The following RERE variants were observed in gnomAD, a reference collection of about 807,000 sequenced individuals.
RERE encodes the protein arginine-glutamic acid dipeptide repeats protein.
A neutral mutation model predicts 146.1 loss-of-function variants in RERE; 40 were observed. That is an observed-to-expected ratio of 0.27 (90% CI 0.21 to 0.36). RERE has a LOEUF of 0.36. Among genes scored for constraint, RERE ranks in the 10% least tolerant of loss-of-function variants. The pLI, the probability that RERE is intolerant of heterozygous loss-of-function variation, is 1.00. For missense variants in RERE, 1,933 were observed against 2,138.7 expected, an observed-to-expected ratio of 0.90 and a Z score of 1.90; for synonymous variants, 1,003 against 866.0, an observed-to-expected ratio of 1.16 and a Z score of -2.78.
chr1:8,811,849 T>C (rs1303098946), intron 1 of RERE, among the ~76,000 whole-genome samples: 1 of 152,206 alleles, frequency 6.6e-6, no homozygotes, highest in Non-Finnish European at 1.5e-5. Context: ...GGGTGGTATA[T>C]TTATTGCAAC....
chr1:8,703,427 A>G (rs1480444753), intron 1 of RERE, among the ~76,000 whole-genome samples: 1 of 151,562 alleles, frequency 6.6e-6, no homozygotes, highest in Non-Finnish European at 1.5e-5. Flanking sequence ...GGAGAGAAAG[A>G]GCAGACTCCC....
chr1:8,422,861 C>A, intron 11 of RERE, 54 bp from the exon 12 acceptor site: 1 of 1,302,872 alleles, frequency 7.7e-7, no homozygotes, highest in Non-Finnish European at 1.1e-6. Flanking sequence ...AACAGGATGT[C>A]AGCAAAGCAA....
chr1:8,794,215 T>A (rs1641421683), intron 1 of RERE, among the ~76,000 whole-genome samples: 2 of 150,268 alleles, frequency 1.3e-5, no homozygotes, highest in East Asian at 2.0e-4. Flanking sequence ...GGCTAACACA[T>A]GGTGAAACTC....
intron 4 of RERE, among the ~76,000 whole-genome samples, chr1:8,574,340 C>CTTTTTTTTT (rs35921166): frequency 2.3e-5 from 2 of 87,230 alleles, no homozygotes; most frequent in Non-Finnish European, 4.2e-5. Flanking sequence ...TATATATAGT[C>CTTTTTTTTT]TTTTTTTTTT....
At chr1:8,450,954 G>A (rs888184499) in intron 11 of RERE, among the ~76,000 whole-genome samples, 4 of 152,028 alleles carry the variant, frequency 2.6e-5, no homozygotes, top group East Asian at 1.9e-4. Context: ...GCCATCTACC[G>A]GTAGCCATAC....
chr1:8,809,966 T>C (rs1051281954), intron 1 of RERE, among the ~76,000 whole-genome samples: 4 of 152,198 alleles, frequency 2.6e-5, no homozygotes, highest in African/African-American at 4.8e-5. Context: ...AGGCACTGTG[T>C]CCTGAGCACA....
intron 2 of RERE, among the ~76,000 whole-genome samples, chr1:8,641,331 A>C (rs2124284486): frequency 6.6e-6 from 1 of 152,352 alleles, no homozygotes; most frequent in Middle Eastern, 3.4e-3. Context: ...TTTCTTAGCT[A>C]CTACAAAGTA....
chr1:8,724,596 C>G (rs1371830092), intron 1 of RERE, among the ~76,000 whole-genome samples: 1 of 152,088 alleles, frequency 6.6e-6, no homozygotes, highest in Non-Finnish European at 1.5e-5. Context: ...CTTGTAATCC[C>G]AGCACTTCGG....
chr1:8,508,494 A>G, intron 8 of RERE, 133 bp downstream of exon 8: 1 of 686,930 alleles, frequency 1.5e-6, no homozygotes, highest in Non-Finnish European at 2.5e-6. Flanking sequence ...GAGGGTGGAA[A>G]AAAAACCTCT....
chr1:8,355,990 C>A, intron 21 of RERE, 110 bp downstream of exon 21: 1 of 1,247,030 alleles, frequency 8.0e-7, no homozygotes, highest in Non-Finnish European at 1.1e-6. Flanking sequence ...GGAGCGAACC[C>A]ACCTGCTCAA....
In RERE at chr1:8,364,661, G is replaced by A. The variant is rs1219719442; in HGVS notation, c.1540+85C>T. On this transcript the variant is annotated intron_variant, in intron 14 of 22. Transcript: ENST00000400908. This position sits in a 1 kb window ranked among gnomAD's most constrained non-coding sequence, Gnocchi z 5.1. The stretch of plus-strand genomic sequence containing the variant: ...TCAAATCAAGTACTGTCCCTGGCAG[G>A]TTTCCAGCTGGATGCATGAAATGTT... The A allele has an allele frequency of 6.2e-6, 6 of 961,470 alleles. No individual in the cohort carries two copies. The South Asian group carries it at 7.9e-5, about 13-fold the overall frequency. 59.6% of individuals were successfully genotyped at this position (961,470 alleles called of 1,614,324 possible).
At chr1:8,382,741 G>A (rs189965400) in intron 12 of RERE, among the ~76,000 whole-genome samples, 255 of 152,134 alleles carry the variant, frequency 1.7e-3, no homozygotes, top group Non-Finnish European at 3.2e-3. Flanking sequence ...ACCTCTCTTG[G>A]CCTCTGTTTC....
intron 11 of RERE, among the ~76,000 whole-genome samples, chr1:8,454,320 A>T (rs914122822): frequency 7.9e-5 from 12 of 152,216 alleles, no homozygotes; most frequent in African/African-American, 2.9e-4. Flanking sequence ...CAAATTTCTT[A>T]AACAGGAATG....
chr1:8,486,621 C>G (rs1644902356), intron 10 of RERE, among the ~76,000 whole-genome samples: 1 of 151,160 alleles, frequency 6.6e-6, no homozygotes, highest in South Asian at 2.1e-4. Flanking sequence ...TAATAACGAA[C>G]AGAAACCAAT....
chr1:8,794,343 G>C lies in RERE; in HGVS notation c.-145+22817C>G, dbSNP rs940373866. On this transcript the variant is annotated intron_variant, in intron 1 of 22. Coordinates refer to ENST00000400908, the MANE Select transcript of RERE (RefSeq NM_001042681.2). ...ACTGCACTCCAGCCTGGGCAACAGAGCGAGACTCCGTCTCAAAAAAAAAAA... is the reference window on the plus strand; with the variant it reads ...ACTGCACTCCAGCCTGGGCAACAGACCGAGACTCCGTCTCAAAAAAAAAAA... Among the ~76,000 whole-genome samples, 43 of 128,508 alleles carry C rather than the reference G, an allele frequency of 3.3e-4. 1 individual carries two copies. In the Admixed American group the frequency reaches 3.9e-3, roughly 12 times the overall value. 84.3% of individuals were successfully genotyped at this position (128,508 alleles called of 152,430 possible).
chr1:8,590,524 G>A lies in RERE; in HGVS notation c.522+24037C>T, dbSNP rs115641556. 4.1e-3 allele frequency among the ~76,000 whole-genome samples: 623 copies of A among 152,264 alleles called. 5 individuals are homozygous for A. The highest frequency in any genetic ancestry group is 0.014 in the African/African-American group (597 of 41,542). ...GAGACTTCAGCTGAAGGCCAGAGAT[G>A]CCCTGGGAACAAATGGAAATGCAGT... On this transcript the variant is annotated intron_variant, in intron 4 of 22. Transcript: ENST00000400908.
chr1:8,533,184 CA>C (rs111327933), intron 7 of RERE, among the ~76,000 whole-genome samples: 30,023 of 152,200 alleles, frequency 0.2, 3,043 homozygotes, highest in Middle Eastern at 0.3. Flanking sequence ...ACTACATTGC[CA>C]ACCTTGAAAC....
chr1:8,559,280 C>CAAAAAAAAAAAAAAAAAAAAAAAAA lies in RERE; in HGVS notation c.523-1758_523-1757insTTTTTTTTTTTTTTTTTTTTTTTTT, dbSNP rs548075266. 1.6e-3 allele frequency among the ~76,000 whole-genome samples: 19 copies of CAAAAAAAAAAAAAAAAAAAAAAAAA among 12,074 alleles called. 1 individual carries two copies. The highest frequency in any genetic ancestry group is 2.4e-3 in the Non-Finnish European group (15 of 6,218). 7.9% of individuals were successfully genotyped at this position (12,074 alleles called of 152,430 possible). ...GGGCAACAAGAGCAAAACTCCAGCT[C>CAAAAAAAAAAAAAAAAAAAAAAAAA]AAAAAAAAAAAAAAAAAAAAAAAAC... On this transcript the variant is annotated intron_variant, in intron 4 of 22. Coordinates refer to ENST00000400908, the MANE Select transcript of RERE (RefSeq NM_001042681.2).
chr1:8,440,392 C>A (rs1644230025), intron 11 of RERE, among the ~76,000 whole-genome samples: 1 of 146,728 alleles, frequency 6.8e-6, no homozygotes, highest in South Asian at 2.2e-4. Context: ...GAGATCGAGA[C>A]CATCCTGGCC....
Sources: allele counts gnomAD v4.1 joint callset (sites outside exome capture counted in the v4.1 genomes callset), GRCh38; gene constraint gnomAD v4.1.1; non-coding constraint Gnocchi (gnomAD v3.1); transcripts MANE v1.5; gene names NCBI Gene and HGNC (gene_info 2026-07-23, HGNC 2026-07-21).